The following KYAT1 variants were observed in gnomAD, a reference collection of about 807,000 sequenced individuals.
The protein encoded by KYAT1 is kynurenine aminotransferase 1, also known as kynurenine--oxoglutarate transaminase 1.
KYAT1 carries 47 observed loss-of-function variants against 52.4 expected under a neutral mutation model. The observed-to-expected ratio is 0.90, with a 90% CI of 0.71 to 1.14. KYAT1 has a LOEUF of 1.14. KYAT1 is among the 50% of genes most tolerant of loss of function. The pLI, the probability that KYAT1 is intolerant of heterozygous loss-of-function variation, is 0.00. For synonymous variants in KYAT1, 212 were observed against 209.6 expected (o/e 1.01, Z -0.10); for missense variants, 480 against 557.9 (o/e 0.86, Z 1.41).
chr9:128,867,431 G>C (rs1836556597), intron 1 of KYAT1, among the ~76,000 whole-genome samples: 1 of 152,074 alleles, frequency 6.6e-6, no homozygotes, highest in African/African-American at 2.4e-5. Flanking sequence ...CTCCTACCTT[G>C]ACCTCTCAAA....
intron 2 of KYAT1, among the ~76,000 whole-genome samples, chr9:128,844,082 C>G (rs1564462646): frequency 6.6e-6 from 1 of 152,182 alleles, no homozygotes; most frequent in African/African-American, 2.4e-5. Flanking sequence ...CACACATCAT[C>G]TCTGGACCCA....
chr9:128,852,088 T>C (rs886460809), intron 1 of KYAT1, among the ~76,000 whole-genome samples: 2 of 152,178 alleles, frequency 1.3e-5, no homozygotes, highest in African/African-American at 2.4e-5. Context: ...TAAGGAAAAG[T>C]TGGGGGCGCT....
intron 1 of KYAT1, chr9:128,846,600 CAAAAAAAA>C (rs57333664): frequency 1.6e-3 from 673 of 418,984 alleles, no homozygotes; most frequent in African/African-American, 7.9e-3. Context: ...AAGACTCTAC[CAAAAAAAA>C]AAAAAAAAAA....
At chr9:128,876,993 G>A (rs537469402) in intron 1 of KYAT1, among the ~76,000 whole-genome samples, 176 of 152,096 alleles carry the variant, frequency 1.2e-3, no homozygotes, top group African/African-American at 3.8e-3. Flanking sequence ...CTGCCTCCCG[G>A]GTTCAAGTGA....
intron 1 of KYAT1, among the ~76,000 whole-genome samples, chr9:128,870,990 TGAA>T (rs1230768164): frequency 1.3e-5 from 2 of 150,948 alleles, no homozygotes; most frequent in Non-Finnish European, 2.9e-5. Context: ...TTAAAAGGGT[TGAA>T]GAACAATATA....
chr9:128,838,390 C>G, intron 3 of KYAT1, 23 bp from the exon 4 acceptor site: 1 of 1,613,850 alleles, frequency 6.2e-7, no homozygotes, highest in Non-Finnish European at 8.5e-7. Context: ...CAGGGGTTAA[C>G]TGTCCAGCTC....
chr9:128,867,775 TTTTG>T (rs769359247), intron 1 of KYAT1, among the ~76,000 whole-genome samples: 6 of 152,232 alleles, frequency 3.9e-5, no homozygotes, highest in African/African-American at 4.8e-5. Context: ...GCAAAGGTTT[TTTTG>T]TTTGTTTGTT....
At chr9:128,844,419 G>A (rs1055728852) in intron 2 of KYAT1, among the ~76,000 whole-genome samples, 3 of 151,954 alleles carry the variant, frequency 2.0e-5, no homozygotes, top group African/African-American at 7.3e-5. Flanking sequence ...AGTGGCTCAT[G>A]CCTGTAATCC....
chr9:128,851,146 T>C (rs1833905827), intron 1 of KYAT1, among the ~76,000 whole-genome samples: 1 of 152,222 alleles, frequency 6.6e-6, no homozygotes, highest in Non-Finnish European at 1.5e-5. Flanking sequence ...GTTGTTTCTC[T>C]ACACTTTGTC....
Position 128,852,330 on chromosome 9 carries a change from C to T in KYAT1, c.-6-6919G>A, listed in dbSNP as rs1003039295. 4.6e-5 allele frequency among the ~76,000 whole-genome samples: 7 copies of T among 152,078 alleles called. No homozygotes were observed. The South Asian group carries it at 1.0e-3, about 23-fold the overall frequency. ...TAATTATAATTGATCTGAAGGACTG[C>T]TTTTTTACCATTCCTCTGGCAAAAC... On this transcript the variant is annotated intron_variant, in intron 1 of 12. Coordinates refer to ENST00000302586, the MANE Select transcript of KYAT1 (RefSeq NM_004059.5).
At chr9:128,837,574 G>T in intron 6 of KYAT1, 111 bp downstream of exon 6, 1 of 1,265,364 alleles carries the variant, frequency 7.9e-7, no homozygotes, top group Non-Finnish European at 1.1e-6. Flanking sequence ...ATTGTGTGTG[G>T]CCCTCCCACA....
At chr9:128,850,769 A>G (rs535616411) in intron 1 of KYAT1, among the ~76,000 whole-genome samples, 13 of 152,366 alleles carry the variant, frequency 8.5e-5, no homozygotes, top group African/African-American at 1.2e-4. Context: ...TGAATGTCTC[A>G]GTATAAAACC....
At position 128,836,911 on chromosome 9, in the gene KYAT1, C is replaced by T; in HGVS notation, c.579G>A (p.Arg193=). The change falls in exon 7 of 13, where the codon AGG becomes AGA. Residue 193 remains arginine (R), a synonymous_variant. Coordinates refer to ENST00000302586, the MANE Select transcript of KYAT1 (RefSeq NM_004059.5). ...GGCTGGCCACCAGCTCCAGCTCTTCCCTGGAGAACACCTGCAGATGCCCAA... is the reference window on the plus strand; with the variant it reads ...GGCTGGCCACCAGCTCCAGCTCTTCTCTGGAGAACACCTGCAGATGCCCAA... ...PNNPLGKVFS[R]EELELVASLC... 1.2e-6 allele frequency: 2 copies of T among 1,612,740 alleles called. No individual in the cohort carries two copies. The highest frequency in any genetic ancestry group is 1.7e-6 in the Non-Finnish European group (2 of 1,179,718).
intron 1 of KYAT1, among the ~76,000 whole-genome samples, chr9:128,874,476 T>C (rs1837677191): frequency 6.8e-6 from 1 of 147,830 alleles, no homozygotes; most frequent in African/African-American, 2.6e-5. Context: ...CATGCTCAGC[T>C]ATTTTTTTTT....
At chr9:128,837,934 C>T in intron 5 of KYAT1, 117 bp downstream of exon 5, 1 of 1,487,034 alleles carries the variant, frequency 6.7e-7, no homozygotes, top group South Asian at 1.1e-5. Context: ...CCTCTGCCCT[C>T]CCAGCTTAGA....
rs1453390129 is a variant in KYAT1 at position 128,838,053 on chromosome 9, G to A, written c.436C>T (p.Pro146Ser). The A allele has an allele frequency of 6.2e-7, 1 of 1,613,930 alleles. No homozygotes were observed. The highest frequency in any genetic ancestry group is 2.2e-5 in the East Asian group (1 of 44,890). ...GGRPVFVSLK[P>S]GPIQNGELGS... ...CATCCTCTACCTAGCATCCTTACCG[G>A]CTTCAGGGACACAAACACAGGACGA... The change falls in exon 5 of 13, where the codon CCG (proline) becomes TCG (serine). Residue 146 changes from proline (P) to serine (S), a missense_variant and splice_region_variant. Physicochemically the swap from Pro to Ser is moderately conservative, Grantham distance 74. Coordinates refer to ENST00000302586, the MANE Select transcript of KYAT1 (RefSeq NM_004059.5).
intron 1 of KYAT1, among the ~76,000 whole-genome samples, chr9:128,861,061 C>T (rs36108022): frequency 3.3e-3 from 500 of 152,334 alleles, no homozygotes; most frequent in Middle Eastern, 0.01. Context: ...GAACAATAGA[C>T]TTGCTTGGTG....
At chr9:128,860,109 A>G (rs1835252378) in intron 1 of KYAT1, 1 of 152,188 alleles carries the variant, frequency 6.6e-6, no homozygotes, top group Admixed American at 6.5e-5. Context: ...AGGGCAGGAG[A>G]AGGAGAATCT....
Position 128,835,418 on chromosome 9 carries a change from C to T in KYAT1, c.1043-16G>A. ...ATCTTCCTCTCTGGGAGACAGAGGCCACACTGAGCCCCCTGCAGCCTCCAG... is the reference window on the plus strand; with the variant it reads ...ATCTTCCTCTCTGGGAGACAGAGGCTACACTGAGCCCCCTGCAGCCTCCAG... On this transcript the variant is annotated splice_polypyrimidine_tract_variant and intron_variant, in intron 10 of 12. Coordinates refer to ENST00000302586, the MANE Select transcript of KYAT1 (RefSeq NM_004059.5). 6.2e-7 allele frequency: 1 copy of T among 1,613,846 alleles called. No homozygotes were observed. Among genetic ancestry groups the T allele is most frequent in the Non-Finnish European group, 8.5e-7 (1 of 1,179,868 alleles).
Sources: gnomAD v4.1 joint callset for allele counts (sites outside exome capture counted in the v4.1 genomes callset) on GRCh38, gnomAD v4.1.1 for gene constraint, MANE v1.5 for transcripts, NCBI Gene and HGNC (gene_info 2026-07-23, HGNC 2026-07-21) for gene names.